ZNF667: variants seen among roughly 807,000 people sequenced by gnomAD.
ZNF667 encodes the protein myocardial ischemic preconditioning upregulated 1 ortholog.
Under a neutral mutation model 31.8 loss-of-function variants are expected in ZNF667, and 13 were observed. The ratio of observed to expected loss-of-function variants is 0.41; its 90% CI spans 0.27 to 0.65. The LOEUF (loss-of-function observed/expected upper bound fraction) is 0.65, where lower values mean the gene tolerates loss of function less well. ZNF667 is among the 30% of genes least tolerant of loss of function. The pLI is 0.32. For synonymous variants in ZNF667, 228 were observed against 247.1 expected, an observed-to-expected ratio of 0.92 and a Z score of 0.73; for missense variants, 642 against 725.6, an observed-to-expected ratio of 0.88 and a Z score of 1.32.
rs2043065158 is a variant in ZNF667 at position 56,462,427 on chromosome 19, G to A, written c.-57C>T. On this transcript the variant is annotated splice_region_variant and 5_prime_UTR_variant, in exon 4 of 7. Coordinates refer to ENST00000504904, the MANE Select transcript of ZNF667 (RefSeq NM_001321356.2). The stretch of plus-strand genomic sequence containing the variant: ...AGATGGGCAGAGAGCTGGTAAGGCA[G>A]GGCTGTGGGGAGAAGACAGGTCATG... 6.2e-7 allele frequency: 1 copy of A among 1,608,182 alleles called. No individual in the cohort carries two copies. Among genetic ancestry groups the A allele is most frequent in the African/African-American group, 1.3e-5 (1 of 74,826 alleles).
At chr19:56,448,453 C>G (rs896017181) in intron 6 of ZNF667, among the ~76,000 whole-genome samples, 5 of 152,080 alleles carry the variant, frequency 3.3e-5, no homozygotes, top group Admixed American at 6.6e-5. Context: ...GTGCTTGGCT[C>G]AGAACCAGTG....
At chr19:56,469,483 G>A (rs1157616666) in intron 3 of ZNF667, among the ~76,000 whole-genome samples, 1 of 152,150 alleles carries the variant, frequency 6.6e-6, no homozygotes, top group Non-Finnish European at 1.5e-5. Flanking sequence ...ACCTACTTCT[G>A]GAGGGAGTTG....
chr19:56,472,394 T>C (rs2043311329), intron 2 of ZNF667: 1 of 152,206 alleles, frequency 6.6e-6, no homozygotes, highest in South Asian at 2.1e-4. Context: ...GCCTTCCTTT[T>C]CCTTTTCAAC....
intron 1 of ZNF667, among the ~76,000 whole-genome samples, chr19:56,476,457 T>C (rs906154743): frequency 2.2e-4 from 33 of 152,046 alleles, no homozygotes; most frequent in African/African-American, 7.5e-4. Flanking sequence ...TGCCTCTGTA[T>C]AGGGTCAAAG....
At chr19:56,476,572 A>G (rs1480053966) in intron 1 of ZNF667, among the ~76,000 whole-genome samples, 6 of 152,194 alleles carry the variant, frequency 3.9e-5, no homozygotes, top group Non-Finnish European at 8.8e-5. Flanking sequence ...AATCTTCCCA[A>G]TAACACCCAG....
chr19:56,442,156 G>A lies in ZNF667; in HGVS notation c.839C>T (p.Thr280Ile), dbSNP rs777184219. 57 of 1,613,362 alleles carry A rather than the reference G, an allele frequency of 3.5e-5. No individual in the cohort carries two copies. Among genetic ancestry groups the A allele is most frequent in the Non-Finnish European group, 4.8e-5 (57 of 1,179,814 alleles). ...LHKKIHNGKK[T>I]HKYNKCGRGF... ...TCTCCCACATTTATTATATTTATGT[G>A]TTTTCTTTCCATTGTGAATTTTCTT... Residue 280 changes from threonine to isoleucine, a missense_variant, in exon 7 of 7, where the codon ACA becomes ATA. Transcript: ENST00000504904.
intron 3 of ZNF667, chr19:56,470,064 CTG>C (rs758136933): frequency 2.2e-6 from 1 of 456,464 alleles, no homozygotes; most frequent in Non-Finnish European, 4.4e-6. Context: ...ATGTGTGCAG[CTG>C]TGTGACCTTG....
At chr19:56,470,169 A>G in intron 3 of ZNF667, 1 of 389,516 alleles carries the variant, frequency 2.6e-6, no homozygotes, top group South Asian at 1.9e-5. Context: ...ATGAGATCAT[A>G]TCAGTCAGTG....
chr19:56,463,346 G>A (rs1015994923), intron 3 of ZNF667, among the ~76,000 whole-genome samples: 3 of 152,080 alleles, frequency 2.0e-5, no homozygotes, highest in Admixed American at 6.6e-5. Flanking sequence ...TAGGGTGGGT[G>A]GAGTGGAGGA....
At chr19:56,468,924 T>C (rs2043225095) in intron 3 of ZNF667, 1 of 152,276 alleles carries the variant, frequency 6.6e-6, no homozygotes, top group Non-Finnish European at 1.5e-5. Context: ...TTCGTAGCTC[T>C]GCCTTTCAGG....
At chr19:56,459,441 T>C (rs990187675) in intron 5 of ZNF667, among the ~76,000 whole-genome samples, 1 of 152,174 alleles carries the variant, frequency 6.6e-6, no homozygotes, top group African/African-American at 2.4e-5. Context: ...CTGGGTTTTT[T>C]AGTTCTGTAC....
chr19:56,446,937 AACAT>A (rs2042721342), intron 6 of ZNF667, among the ~76,000 whole-genome samples: 1 of 152,108 alleles, frequency 6.6e-6, no homozygotes, highest in African/African-American at 2.4e-5. Flanking sequence ...GTGGAATACT[AACAT>A]ATCCCCTCAG....
chr19:56,468,518 A>T (rs1239380444), intron 3 of ZNF667: 2 of 152,194 alleles, frequency 1.3e-5, no homozygotes, highest in Non-Finnish European at 2.9e-5. Context: ...ATACTGGCTG[A>T]TGTCTCATGT....
intron 3 of ZNF667, among the ~76,000 whole-genome samples, chr19:56,463,287 C>T (rs1380930902): frequency 6.6e-6 from 1 of 152,020 alleles, no homozygotes; most frequent in Admixed American, 6.6e-5. Flanking sequence ...GAGGACAGGA[C>T]TCACTAGGTA....
intron 1 of ZNF667, chr19:56,474,539 T>TG (rs1325235061): frequency 6.6e-6 from 1 of 152,330 alleles, no homozygotes; most frequent in East Asian, 1.9e-4. Context: ...ACTTGCAGGA[T>TG]GGGGCTAGGA....
chr19:56,461,287 C>T (rs2043039786), intron 4 of ZNF667, among the ~76,000 whole-genome samples: 1 of 152,176 alleles, frequency 6.6e-6, no homozygotes. Context: ...ACTTGCTCTC[C>T]AAGAAACATG....
rs2043026322 is a variant in ZNF667 at position 56,460,670 on chromosome 19, G to A, written c.160+19C>T. The A allele has an allele frequency of 6.2e-7, 1 of 1,606,968 alleles. No homozygotes were observed. The highest frequency in any genetic ancestry group is 8.5e-7 in the Non-Finnish European group (1 of 1,176,728). The stretch of plus-strand genomic sequence containing the variant: ...CCTCAATAGGCTGGTTCTGGATTGT[G>A]GGGGACGAAGAGCCTTACCAAGCGA... On this transcript the variant is annotated intron_variant, in intron 5 of 6. Coordinates refer to ENST00000504904, the MANE Select transcript of ZNF667 (RefSeq NM_001321356.2).
At chr19:56,468,801 A>C (rs1044239012) in intron 3 of ZNF667, 2 of 152,266 alleles carry the variant, frequency 1.3e-5, no homozygotes, top group African/African-American at 2.4e-5. Context: ...ATAATTACAA[A>C]GGTCCTCTTT....
At position 56,474,092 on chromosome 19, in the gene ZNF667, G is replaced by C. The variant is rs376666801; in HGVS notation, c.-629C>G. ...GAGAAAGGGCTTTGAAAGGCACAAAGCTATGTCCTCCTGAGGTGAGGACGG... is the reference window on the plus strand; with the variant it reads ...GAGAAAGGGCTTTGAAAGGCACAAACCTATGTCCTCCTGAGGTGAGGACGG... On this transcript the variant is annotated 5_prime_UTR_variant, in exon 2 of 7. Transcript: ENST00000504904. 14 of 152,370 alleles carry C rather than the reference G, an allele frequency of 9.2e-5. No homozygotes were observed. The highest frequency in any genetic ancestry group is 3.4e-4 in the African/African-American group (14 of 41,584). The allele number at this position is 152,370 out of a possible 1,614,324, so 9.4% of individuals were successfully genotyped here.
Sources: allele counts gnomAD v4.1 joint callset (sites outside exome capture counted in the v4.1 genomes callset), GRCh38; gene constraint gnomAD v4.1.1; transcripts MANE v1.5; gene names NCBI Gene and HGNC (gene_info 2026-07-23, HGNC 2026-07-21).